The following UNC80 variants were observed in gnomAD, a reference collection of about 807,000 sequenced individuals.
UNC80 encodes unc-80 subunit of NALCN channel complex.
UNC80 carries 164 observed loss-of-function variants against 384.6 expected under a neutral mutation model. The observed-to-expected ratio is 0.43, with a 90% confidence interval of 0.38 to 0.49. The LOEUF is 0.49. UNC80 is among the 20% of genes least tolerant of loss of function. The pLI is 0.00. For missense variants in UNC80, 3,330 were observed against 4,143.0 expected (o/e 0.80, Z 5.39); for synonymous variants, 1,486 against 1,527.8 (o/e 0.97, Z 0.64).
At chr2:209,993,031 A>G (rs1471577749) in intron 62 of UNC80, among the ~76,000 whole-genome samples, 1 of 152,238 alleles carries the variant, frequency 6.6e-6, no homozygotes, top group African/African-American at 2.4e-5. Flanking sequence ...AGTAAGCAAT[A>G]GTTATTCACT....
At chr2:209,978,422 A>T in intron 58 of UNC80, 107 bp from the exon 59 acceptor site, 1 of 974,368 alleles carries the variant, frequency 1.0e-6, no homozygotes. Context: ...TCTGGGACAC[A>T]TTATTTAACT....
chr2:209,984,861 C>A lies in UNC80; in HGVS notation c.9263C>A (p.Pro3088His). 2 of 1,550,252 alleles carry A rather than the reference C, an allele frequency of 1.3e-6. No individual in the cohort carries two copies. The highest frequency in any genetic ancestry group is 1.7e-6 in the Non-Finnish European group (2 of 1,146,474). ...TCTCCCTACCCCTCCTGCAGTGAAC[C>A]TAATGTCCTCGATGACTCCCAGGGC... Reference protein sequence around the residue: ...EVGMLPSQSEPNVLDDSQGLA... With the variant: ...EVGMLPSQSEHNVLDDSQGLA... The change falls in exon 61 of 65, where the codon CCT (proline) becomes CAT (histidine). Residue 3088 changes from proline to histidine, a missense_variant. Coordinates refer to ENST00000673920, the MANE Select transcript of UNC80 (RefSeq NM_001371986.1).
At chr2:209,988,797 G>A (rs1299466510) in intron 61 of UNC80, among the ~76,000 whole-genome samples, 1 of 152,170 alleles carries the variant, frequency 6.6e-6, no homozygotes, top group Non-Finnish European at 1.5e-5. Context: ...CAGTTCTGCT[G>A]AGCCCCAGTT....
At chr2:209,940,080 A>G (rs924860589) in intron 43 of UNC80, among the ~76,000 whole-genome samples, 7 of 152,214 alleles carry the variant, frequency 4.6e-5, no homozygotes, top group Admixed American at 2.0e-4. Context: ...CCACATTTTG[A>G]GAACCACTGC....
intron 14 of UNC80, among the ~76,000 whole-genome samples, chr2:209,827,848 G>T (rs911843108): frequency 6.6e-6 from 1 of 152,038 alleles, no homozygotes; most frequent in Non-Finnish European, 1.5e-5. Context: ...TTGTCAAACT[G>T]CCCAGCAATT....
At chr2:209,948,794 G>T (rs1453388875) in intron 47 of UNC80, among the ~76,000 whole-genome samples, 2 of 152,038 alleles carry the variant, frequency 1.3e-5, no homozygotes, top group Non-Finnish European at 2.9e-5. Flanking sequence ...TTTGCTAAAG[G>T]ATTTTGTTGT....
At chr2:209,943,229 A>C in intron 44 of UNC80, 151 bp from the exon 45 acceptor site, 1 of 980,510 alleles carries the variant, frequency 1.0e-6, no homozygotes, top group Non-Finnish European at 1.4e-6. Context: ...AAATTTATCT[A>C]GAGAAAGTTT....
At chr2:209,784,015 C>G (rs892957872) in intron 4 of UNC80, among the ~76,000 whole-genome samples, 1 of 152,126 alleles carries the variant, frequency 6.6e-6, no homozygotes, top group Non-Finnish European at 1.5e-5. Flanking sequence ...CTTAACATGT[C>G]TAAAACTAGG....
chr2:209,977,729 A>G (rs2093049009), intron 58 of UNC80, among the ~76,000 whole-genome samples: 1 of 152,206 alleles, frequency 6.6e-6, no homozygotes, highest in Admixed American at 6.5e-5. Flanking sequence ...TACTTTCTTT[A>G]CATTATTCTA....
intron 47 of UNC80, 38 bp downstream of exon 47, chr2:209,945,981 A>G: frequency 7.4e-7 from 1 of 1,344,992 alleles, no homozygotes. Context: ...TGTGATAAGT[A>G]AATATGGCAG....
chr2:209,773,270 C>A, intron 2 of UNC80, 128 bp downstream of exon 2: 2 of 776,856 alleles, frequency 2.6e-6, no homozygotes, highest in South Asian at 1.8e-5. Context: ...ATCACCCACT[C>A]TGTGCCAGGC....
intron 22 of UNC80, among the ~76,000 whole-genome samples, chr2:209,849,883 G>A (rs1574728380): frequency 6.6e-6 from 1 of 151,296 alleles, no homozygotes; most frequent in East Asian, 1.9e-4. Flanking sequence ...TTTACCACCT[G>A]AACCTCTGTA....
intron 7 of UNC80, among the ~76,000 whole-genome samples, chr2:209,802,936 A>C (rs1442920197): frequency 6.6e-6 from 1 of 152,150 alleles, no homozygotes; most frequent in Non-Finnish European, 1.5e-5. Context: ...GACTGGTCTT[A>C]GTTTCTGAAG....
intron 48 of UNC80, among the ~76,000 whole-genome samples, chr2:209,955,740 C>T (rs10932314): frequency 0.041 from 2,661 of 65,302 alleles, 32 homozygotes; most frequent in African/African-American, 0.077. Context: ...TATATATATA[C>T]ACACACACAC....
intron 60 of UNC80, 134 bp downstream of exon 60, chr2:209,982,451 A>G (rs2093179398): frequency 8.6e-7 from 1 of 1,160,092 alleles, no homozygotes; most frequent in South Asian, 2.6e-5. Flanking sequence ...TCATTCCACA[A>G]AGGATTTGTC....
chr2:209,802,641 G>C (rs2078635769), intron 7 of UNC80, among the ~76,000 whole-genome samples: 1 of 151,994 alleles, frequency 6.6e-6, no homozygotes, highest in Non-Finnish European at 1.5e-5. Flanking sequence ...ATCAAAATTT[G>C]TTTTTCTGTA....
At chr2:209,870,198 T>G (rs2084175246) in intron 22 of UNC80, among the ~76,000 whole-genome samples, 1 of 152,154 alleles carries the variant, frequency 6.6e-6, no homozygotes, top group African/African-American at 2.4e-5. Flanking sequence ...ACCTATGTCT[T>G]TCTGTCATTA....
intron 61 of UNC80, among the ~76,000 whole-genome samples, chr2:209,989,055 G>T (rs966606176): frequency 6.6e-6 from 1 of 151,748 alleles, no homozygotes; most frequent in Non-Finnish European, 1.5e-5. Context: ...GCTCATGCCT[G>T]TAATTCCACC....
At chr2:209,911,112 T>TC (rs2088884831) in intron 29 of UNC80, among the ~76,000 whole-genome samples, 4 of 152,134 alleles carry the variant, frequency 2.6e-5, no homozygotes, top group Admixed American at 1.3e-4. Context: ...AGGCAGCCCT[T>TC]CACAGGGCGG....
Sources: allele counts gnomAD v4.1 joint callset (sites outside exome capture counted in the v4.1 genomes callset), GRCh38; gene constraint gnomAD v4.1.1; transcripts MANE v1.5; gene names NCBI Gene and HGNC (gene_info 2026-07-23, HGNC 2026-07-21).